Variants in SOX5 observed in about 807,000 individuals in gnomAD.
The protein encoded by SOX5 is transcription factor SOX-5.
In SOX5, 9 loss-of-function variants were observed where a neutral mutation model predicts 92.0. The observed-to-expected ratio is 0.10, with a 90% CI of 0.06 to 0.17. SOX5 has a LOEUF of 0.17. Ranked by LOEUF, SOX5 falls within the 10% of genes least tolerant of loss-of-function variation. The pLI is 1.00. For synonymous variants in SOX5, 344 were observed against 336.3 expected (o/e 1.02, Z -0.25); for missense variants, 642 against 944.5 (o/e 0.68, Z 4.20).
intron 4 of SOX5, among the ~76,000 whole-genome samples, chr12:24,167,932 C>T (rs4963568): frequency 0.89 from 135,982 of 152,254 alleles, 60,890 homozygotes; most frequent in East Asian, 0.99. Flanking sequence ...GGTTCCTCAA[C>T]GTTCTCACTG....
rs532429248 is a variant in SOX5 at position 24,431,721 on chromosome 12, C to A, written c.-250-63082G>T. Among the ~76,000 whole-genome samples the A allele has an allele frequency of 4.6e-5, 7 of 152,280 alleles. No individual in the cohort carries two copies. In the South Asian group the frequency reaches 6.2e-4, roughly 14 times the overall value. On this transcript the variant is annotated intron_variant, in intron 1 of 4. Coordinates refer to the SOX5 transcript ENST00000446891. ...GCACATTTCTTATGCAAATTCTACA[C>A]ACTGCTTGGTACCCAAGAAGGGAAT... is the stretch of plus-strand genomic sequence containing the variant.
intron 6 of SOX5, among the ~76,000 whole-genome samples, chr12:23,731,378 A>G (rs947829134): frequency 3.9e-5 from 6 of 152,072 alleles, no homozygotes; most frequent in Non-Finnish European, 1.5e-5. Flanking sequence ...ACCTACATCT[A>G]TATTTATATC....
At chr12:24,119,392 T>G (rs949800715) in intron 4 of SOX5, among the ~76,000 whole-genome samples, 2 of 152,116 alleles carry the variant, frequency 1.3e-5, no homozygotes, top group African/African-American at 4.8e-5. Context: ...ATGCCTCACA[T>G]ATGACTGGCT....
Position 23,532,129 on chromosome 12 carries a change from TATCATC to T in SOX5, c.*2084_*2089del, listed in dbSNP as rs960002346. On this transcript the variant is annotated 3_prime_UTR_variant, in exon 15 of 15. Transcript: ENST00000451604. Reference sequence around the variant, plus strand: ...ATTATTACTATTATTATTATTATTTTATCATCATCATCATTACAACACTAGCAAAAA... The same window carrying T: ...ATTATTACTATTATTATTATTATTTTATCATCATTACAACACTAGCAAAAA... 6.6e-6 allele frequency: 1 copy of T among 151,246 alleles called. No homozygotes were observed. The highest frequency in any genetic ancestry group is 1.5e-5 in the Non-Finnish European group (1 of 67,844). The allele number at this position is 151,246 out of a possible 1,614,324, so 9.4% of individuals were successfully genotyped here. A position where few individuals can be genotyped will look rare whatever the true frequency, so the allele number is the denominator to read the frequency against.
Position 23,941,938 on chromosome 12 carries a change from T to TA in SOX5, c.38+7625dup, listed in dbSNP as rs11315586. On this transcript the variant is annotated intron_variant, in intron 1 of 14. Transcript: ENST00000451604. ...ACATATTATGAAACTCACTAGCTAA[T>TA]AAAAAAAAAAAAATGACAAAGGGAC... 3.7e-3 allele frequency among the ~76,000 whole-genome samples: 512 copies of TA among 138,278 alleles called. 3 individuals carry two copies. Among genetic ancestry groups the TA allele is most frequent in the African/African-American group, 6.9e-3 (262 of 37,812 alleles). The allele number at this position is 138,278 out of a possible 152,430, so 90.7% of individuals were successfully genotyped here. A position where few individuals can be genotyped will look rare whatever the true frequency, so the allele number is the denominator to read the frequency against.
At chr12:24,022,746 G>A (rs1014105294) in intron 4 of SOX5, among the ~76,000 whole-genome samples, 1 of 152,046 alleles carries the variant, frequency 6.6e-6, no homozygotes, top group Non-Finnish European at 1.5e-5. Flanking sequence ...CTTAGCAAGA[G>A]GAGAGCCATT....
At chr12:24,288,256 AC>A (rs1260334685) in intron 2 of SOX5, among the ~76,000 whole-genome samples, 2 of 152,218 alleles carry the variant, frequency 1.3e-5, no homozygotes, top group East Asian at 3.8e-4. Context: ...GACAGCTCCC[AC>A]AACAAAGAAT....
chr12:24,376,737 C>G lies in SOX5; in HGVS notation c.-250-8098G>C, dbSNP rs1388899964. On this transcript the variant is annotated intron_variant, in intron 1 of 4. Transcript: ENST00000446891. ...TTTTTTTTTTTTTTTTTTACAGAGT[C>G]TCACTGTCACCCAGGCTGGAGTATA... is the stretch of plus-strand genomic sequence containing the variant. Among the ~76,000 whole-genome samples, 3 of 48,040 alleles carry G rather than the reference C, an allele frequency of 6.2e-5. No homozygotes were observed. The South Asian group carries it at 2.1e-3, about 34-fold the overall frequency. 31.5% of individuals were successfully genotyped at this position (48,040 alleles called of 152,430 possible). A position where few individuals can be genotyped will look rare whatever the true frequency, so the allele number is the denominator to read the frequency against.
At chr12:23,755,013 C>T (rs969643331) in intron 4 of SOX5, among the ~76,000 whole-genome samples, 1 of 151,736 alleles carries the variant, frequency 6.6e-6, no homozygotes, top group Non-Finnish European at 1.5e-5. Flanking sequence ...TTTGAGAAAA[C>T]ATACTTTTAA....
At chr12:23,857,399 G>A (rs1156343195) in intron 2 of SOX5, among the ~76,000 whole-genome samples, 1 of 152,182 alleles carries the variant, frequency 6.6e-6, no homozygotes, top group Non-Finnish European at 1.5e-5. Context: ...ACACATATGT[G>A]ACAATAAAAG....
At position 24,552,299 on chromosome 12, in the gene SOX5, C is replaced by A. The variant is rs571126730; in HGVS notation, c.-251+10030G>T. Among the ~76,000 whole-genome samples the A allele has an allele frequency of 3.9e-5, 6 of 152,344 alleles. No individual in the cohort carries two copies. In the South Asian group the frequency reaches 1.2e-3, roughly 32 times the overall value. On this transcript the variant is annotated intron_variant, in intron 1 of 4. Coordinates refer to the SOX5 transcript ENST00000446891. The stretch of plus-strand genomic sequence containing the variant: ...ATTCTGTGAGCATCTTACTTAAATT[C>A]CATATGCCATGTATATATAACTTAC...
At chr12:23,763,765 A>T (rs1384817351) in intron 3 of SOX5, among the ~76,000 whole-genome samples, 1 of 152,156 alleles carries the variant, frequency 6.6e-6, no homozygotes, top group East Asian at 1.9e-4. Context: ...GAAAGAGAAC[A>T]ACAAATAGCT....
intron 4 of SOX5, among the ~76,000 whole-genome samples, chr12:23,966,572 G>A (rs12299848): frequency 0.47 from 71,215 of 151,752 alleles, 17,412 homozygotes; most frequent in African/African-American, 0.56. Context: ...TACCAGCCAG[G>A]TATAGATATA....
intron 4 of SOX5, among the ~76,000 whole-genome samples, chr12:24,096,647 G>A (rs957659495): frequency 6.6e-6 from 1 of 152,088 alleles, no homozygotes; most frequent in Non-Finnish European, 1.5e-5. Context: ...TCTCTTTATG[G>A]CTGAATAATA....
chr12:23,825,050 G>C (rs10842228), intron 3 of SOX5, among the ~76,000 whole-genome samples: 28,365 of 152,038 alleles, frequency 0.19, 3,228 homozygotes, highest in East Asian at 0.53. Flanking sequence ...GATCTGCTGG[G>C]CTGGACCACT....
intron 4 of SOX5, among the ~76,000 whole-genome samples, chr12:24,008,252 C>G (rs1952534447): frequency 6.6e-6 from 1 of 152,068 alleles, no homozygotes; most frequent in African/African-American, 2.4e-5. Context: ...AAATAAACAA[C>G]TACTCTAATA....
Position 24,379,338 on chromosome 12 carries a change from T to G in SOX5, c.-250-10699A>C, listed in dbSNP as rs145106102. Among the ~76,000 whole-genome samples, 24 of 152,350 alleles carry G rather than the reference T, an allele frequency of 1.6e-4. No homozygotes were observed. In the Middle Eastern group the frequency reaches 0.01, roughly 65 times the overall value. On this transcript the variant is annotated intron_variant, in intron 1 of 4. Coordinates refer to the SOX5 transcript ENST00000446891. ...TGAACAAAATAATTCTACGTGCTAA[T>G]GCAATCATCAGGTTTTAGAATGTTT...
intron 2 of SOX5, among the ~76,000 whole-genome samples, chr12:23,857,689 C>T (rs1442950774): frequency 6.6e-6 from 1 of 151,544 alleles, no homozygotes; most frequent in African/African-American, 2.4e-5. Context: ...ACTCTATACA[C>T]AATGTGTGAT....
chr12:23,543,502 G>A, intron 12 of SOX5, 118 bp from the exon 13 acceptor site: 2 of 701,896 alleles, frequency 2.8e-6, no homozygotes, highest in Admixed American at 2.6e-5. Context: ...TCTGATAATG[G>A]TACTTCCAGT....
Sources: allele counts gnomAD v4.1 joint callset (sites outside exome capture counted in the v4.1 genomes callset), GRCh38; gene constraint gnomAD v4.1.1; transcripts MANE v1.5; gene names NCBI Gene and HGNC (gene_info 2026-07-23, HGNC 2026-07-21).